Variants in MACROD2 observed in about 807,000 individuals in gnomAD.
The protein encoded by MACROD2 is mono-ADP ribosylhydrolase 2, also known as ADP-ribose glycohydrolase MACROD2.
In MACROD2, 36 loss-of-function variants were observed where a neutral mutation model predicts 70.4. That is an observed-to-expected ratio of 0.51 (90% CI 0.39 to 0.68). The LOEUF is 0.68. MACROD2 is among the 30% of genes least tolerant of loss of function. The probability of loss-of-function intolerance (pLI) is 0.00; values close to 1 mark genes in which losing one functional copy is unlikely to be tolerated. For missense variants in MACROD2, 496 were observed against 538.4 expected, an observed-to-expected ratio of 0.92 and a Z score of 0.78; for synonymous variants, 172 against 178.8, an observed-to-expected ratio of 0.96 and a Z score of 0.30.
chr20:15,123,056 TTGA>T (rs1261631690), intron 5 of MACROD2, among the ~76,000 whole-genome samples: 5 of 152,208 alleles, frequency 3.3e-5, no homozygotes, highest in African/African-American at 1.2e-4. Context: ...TACATTTAAA[TTGA>T]TGAAAAATTT....
intron 2 of MACROD2, among the ~76,000 whole-genome samples, chr20:14,045,170 A>T (rs909715923): frequency 2.6e-5 from 4 of 152,076 alleles, no homozygotes; most frequent in African/African-American, 4.8e-5. Context: ...CTCTCCCTCC[A>T]CACCTCCCTG....
At chr20:15,929,175 T>A (rs2065535664) in intron 10 of MACROD2, among the ~76,000 whole-genome samples, 1 of 152,194 alleles carries the variant, frequency 6.6e-6, no homozygotes, top group Admixed American at 6.5e-5. Context: ...TTGCTTGGGC[T>A]TGGTTCCAGA....
chr20:16,012,730 T>G (rs963283607), intron 15 of MACROD2, among the ~76,000 whole-genome samples: 1 of 152,314 alleles, frequency 6.6e-6, no homozygotes, highest in South Asian at 2.1e-4. Context: ...TTACTATGGT[T>G]ATAGAGCAGA....
At chr20:14,751,852 A>G (rs1229458430) in intron 5 of MACROD2, among the ~76,000 whole-genome samples, 4 of 152,078 alleles carry the variant, frequency 2.6e-5, no homozygotes, top group African/African-American at 9.7e-5. Context: ...GAATGTGGAT[A>G]TATGAAGAGG....
chr20:14,883,245 A>T (rs1475048618), intron 5 of MACROD2, among the ~76,000 whole-genome samples: 1 of 152,218 alleles, frequency 6.6e-6, no homozygotes, highest in African/African-American at 2.4e-5. Flanking sequence ...ATTCTAAGTT[A>T]GATTCATGAA....
intron 9 of MACROD2, among the ~76,000 whole-genome samples, chr20:15,870,342 C>T (rs1408826814): frequency 6.6e-6 from 1 of 151,870 alleles, no homozygotes; most frequent in Non-Finnish European, 1.5e-5. Context: ...TATTCCATTG[C>T]CCTTTCAGAA....
intron 6 of MACROD2, among the ~76,000 whole-genome samples, chr20:15,405,050 G>A (rs1229845954): frequency 6.6e-6 from 1 of 152,176 alleles, no homozygotes; most frequent in Non-Finnish European, 1.5e-5. Context: ...CATAGTGTAT[G>A]ATTACATTTA....
At chr20:16,002,041 C>CTT (rs745954240) in intron 15 of MACROD2, among the ~76,000 whole-genome samples, 1 of 150,060 alleles carries the variant, frequency 6.7e-6, no homozygotes, top group African/African-American at 2.5e-5. Context: ...TATAATGTGT[C>CTT]TTATATATAT....
intron 4 of MACROD2, among the ~76,000 whole-genome samples, chr20:14,498,370 C>T (rs1004849921): frequency 2.0e-5 from 3 of 152,220 alleles, no homozygotes; most frequent in African/African-American, 7.2e-5. Flanking sequence ...CATCTCCACA[C>T]ACCCATCATC....
At chr20:16,033,147 C>G (rs773834376) in intron 15 of MACROD2, among the ~76,000 whole-genome samples, 22 of 152,182 alleles carry the variant, frequency 1.4e-4, no homozygotes, top group Non-Finnish European at 2.9e-4. Flanking sequence ...TAAATAAAGA[C>G]TGGACCAATT....
At chr20:14,362,753 G>A (rs1026169165) in intron 3 of MACROD2, among the ~76,000 whole-genome samples, 54 of 152,124 alleles carry the variant, frequency 3.5e-4, no homozygotes, top group African/African-American at 1.3e-3. Context: ...ATTGACACCT[G>A]TGAATGAAAA....
At chr20:14,979,158 C>G (rs925377536) in intron 5 of MACROD2, among the ~76,000 whole-genome samples, 2 of 150,400 alleles carry the variant, frequency 1.3e-5, no homozygotes, top group Non-Finnish European at 2.9e-5. Context: ...CAGGGTCTCA[C>G]TGTGTTTCTC....
intron 4 of MACROD2, among the ~76,000 whole-genome samples, chr20:14,512,322 A>G (rs936164863): frequency 2.1e-5 from 1 of 48,158 alleles, no homozygotes; most frequent in Admixed American, 2.9e-4. Context: ...AGAGCATTGA[A>G]TTCGTAGTAT....
intron 8 of MACROD2, among the ~76,000 whole-genome samples, chr20:15,779,443 T>C (rs2051792057): frequency 6.6e-6 from 1 of 152,130 alleles, no homozygotes; most frequent in Admixed American, 6.5e-5. Flanking sequence ...CTTAATTCAG[T>C]GTGATGCTGT....
intron 4 of MACROD2, among the ~76,000 whole-genome samples, chr20:14,592,782 G>T (rs1600427936): frequency 6.6e-6 from 1 of 152,088 alleles, no homozygotes; most frequent in Non-Finnish European, 1.5e-5. Flanking sequence ...CAATATAAAA[G>T]AAAATATTTC....
At chr20:15,696,727 G>A (rs1035560920) in intron 8 of MACROD2, among the ~76,000 whole-genome samples, 9 of 99,184 alleles carry the variant, frequency 9.1e-5, no homozygotes, top group African/African-American at 3.8e-4. Context: ...TTTCAATCTT[G>A]CTGCTTGTTA....
intron 6 of MACROD2, among the ~76,000 whole-genome samples, chr20:15,378,661 A>G (rs1008478990): frequency 6.6e-6 from 1 of 152,242 alleles, no homozygotes; most frequent in East Asian, 1.9e-4. Flanking sequence ...TTCTAAGTCA[A>G]TAGCTTATTT....
intron 11 of MACROD2, 40 bp downstream of exon 11, chr20:15,933,378 T>C: frequency 6.4e-7 from 1 of 1,565,472 alleles, no homozygotes. Context: ...CTAGGCCTCA[T>C]CTGCAGAGGT....
At chr20:15,070,924 AC>A (rs367785250) in intron 5 of MACROD2, among the ~76,000 whole-genome samples, 23,263 of 150,518 alleles carry the variant, frequency 0.15, 2,369 homozygotes, top group Non-Finnish European at 0.23. Context: ...AAAAAAAAAA[AC>A]CCAAAAAAGT....
Sources: gnomAD v4.1 joint callset for allele counts (sites outside exome capture counted in the v4.1 genomes callset) on GRCh38, gnomAD v4.1.1 for gene constraint, MANE v1.5 for transcripts, NCBI Gene and HGNC (gene_info 2026-07-23, HGNC 2026-07-21) for gene names.